The following DTNB variants were observed in gnomAD, a reference collection of about 807,000 sequenced individuals.
DTNB encodes the protein dystrobrevin beta, also known as DTN-B.
DTNB carries 63 observed loss-of-function variants against 90.7 expected under a neutral mutation model. That is an observed-to-expected ratio of 0.69 (90% CI 0.57 to 0.86). DTNB has a LOEUF of 0.86. Among genes scored for constraint, DTNB ranks in the 40% least tolerant of loss-of-function variants. The pLI is 0.00. For synonymous variants in DTNB, 277 were observed against 286.7 expected (o/e 0.97, Z 0.34); for missense variants, 744 against 807.1 (o/e 0.92, Z 0.95).
Position 25,486,428 on chromosome 2 carries a change from T to C in DTNB, c.1002-3555A>G, listed in dbSNP as rs541595729. On this transcript the variant is annotated intron_variant, in intron 9 of 20. Coordinates refer to ENST00000406818, the MANE Select transcript of DTNB (RefSeq NM_021907.5). ...TTCAGTGAAACTGACATTGTGCCAC[T>C]GCACTTCAGGCTGGGTGACAAGTGA... Among the ~76,000 whole-genome samples the C allele has an allele frequency of 3.9e-5, 6 of 152,266 alleles. No individual in the cohort carries two copies. The South Asian group carries it at 1.2e-3, about 32-fold the overall frequency.
chr2:25,492,543 T>A (rs1184685558), intron 9 of DTNB, among the ~76,000 whole-genome samples: 1 of 152,020 alleles, frequency 6.6e-6, no homozygotes, highest in Non-Finnish European at 1.5e-5. Context: ...TAGACAAAAT[T>A]TCTACTTAAA....
At chr2:25,453,613 T>C (rs544816921) in intron 11 of DTNB, among the ~76,000 whole-genome samples, 153 of 152,350 alleles carry the variant, frequency 1.0e-3, no homozygotes, top group African/African-American at 3.6e-3. Flanking sequence ...TCAAACATTC[T>C]GCTGCTATTT....
At chr2:25,438,542 T>C (rs113235199) in intron 12 of DTNB, among the ~76,000 whole-genome samples, 1 of 152,276 alleles carries the variant, frequency 6.6e-6, no homozygotes, top group African/African-American at 2.4e-5. Flanking sequence ...AATTTGATTA[T>C]ATGTGTTAAA....
intron 5 of DTNB, among the ~76,000 whole-genome samples, chr2:25,599,609 G>A (rs1165985964): frequency 1.3e-5 from 2 of 152,050 alleles, no homozygotes; most frequent in Non-Finnish European, 2.9e-5. Context: ...AAAGTGCTGG[G>A]ATTACAAGTG....
intron 16 of DTNB, among the ~76,000 whole-genome samples, chr2:25,402,128 T>C (rs1227644934): frequency 6.6e-6 from 1 of 152,232 alleles, no homozygotes; most frequent in African/African-American, 2.4e-5. Flanking sequence ...CTGGTGCTGG[T>C]GGTGACCATG....
At chr2:25,418,888 T>C (rs180850931) in intron 16 of DTNB, among the ~76,000 whole-genome samples, 1 of 152,232 alleles carries the variant, frequency 6.6e-6, no homozygotes, top group African/African-American at 2.4e-5. Context: ...CTTGTGTGGG[T>C]CAGTGGCTAT....
At chr2:25,636,076 A>T (rs566788630) in intron 3 of DTNB, among the ~76,000 whole-genome samples, 1 of 152,266 alleles carries the variant, frequency 6.6e-6, no homozygotes, top group East Asian at 1.9e-4. Flanking sequence ...AAAATTGTTT[A>T]TTTTCTTCTG....
At chr2:25,647,919 C>T (rs562613290) in intron 2 of DTNB, among the ~76,000 whole-genome samples, 1 of 151,364 alleles carries the variant, frequency 6.6e-6, no homozygotes, top group South Asian at 2.1e-4. Context: ...AGTAACCCAA[C>T]ATAAGTTGTT....
chr2:25,600,430 A>G (rs2065628800), intron 5 of DTNB, among the ~76,000 whole-genome samples: 1 of 152,248 alleles, frequency 6.6e-6, no homozygotes, highest in Non-Finnish European at 1.5e-5. Context: ...CTAAGGACGA[A>G]GGCCATATGG....
chr2:25,576,284 G>A (rs980650570), intron 8 of DTNB, among the ~76,000 whole-genome samples: 3 of 142,974 alleles, frequency 2.1e-5, no homozygotes, highest in African/African-American at 7.8e-5. Context: ...GGAGTGCAGT[G>A]GCGCAATCTC....
At chr2:25,385,767 C>A (rs1048022773) in intron 18 of DTNB, among the ~76,000 whole-genome samples, 1 of 152,230 alleles carries the variant, frequency 6.6e-6, no homozygotes, top group Non-Finnish European at 1.5e-5. Context: ...CTATGAGACA[C>A]TGCTGAGGAT....
chr2:25,667,587 A>G (rs1333402232), intron 1 of DTNB, among the ~76,000 whole-genome samples: 1 of 152,230 alleles, frequency 6.6e-6, no homozygotes, highest in East Asian at 1.9e-4. Flanking sequence ...TTCCAGGTGA[A>G]GTTTAACTTT....
chr2:25,604,720 G>C (rs1208017370), intron 5 of DTNB, among the ~76,000 whole-genome samples: 1 of 152,170 alleles, frequency 6.6e-6, no homozygotes, highest in Non-Finnish European at 1.5e-5. Flanking sequence ...CTCCCGAGTA[G>C]CTGGGATTAT....
At chr2:25,479,596 C>T (rs115856803) in intron 10 of DTNB, among the ~76,000 whole-genome samples, 1 of 152,094 alleles carries the variant, frequency 6.6e-6, no homozygotes, top group Admixed American at 6.6e-5. Context: ...TAGAACCTCT[C>T]GGGAACATAA....
chr2:25,610,457 C>T (rs1467072893), intron 4 of DTNB, among the ~76,000 whole-genome samples: 4 of 152,128 alleles, frequency 2.6e-5, no homozygotes, highest in African/African-American at 4.8e-5. Context: ...CCATGATCAA[C>T]GATTATGCCT....
chr2:25,577,872 T>C (rs557894725), intron 7 of DTNB, among the ~76,000 whole-genome samples: 2 of 152,272 alleles, frequency 1.3e-5, no homozygotes, highest in East Asian at 3.9e-4. Context: ...TGGTGGCGCA[T>C]GCCTGTAATC....
Position 25,419,550 on chromosome 2 carries a change from A to G in DTNB, c.1555-15T>C. 1 of 1,553,790 alleles carries G rather than the reference A, an allele frequency of 6.4e-7. No individual in the cohort carries two copies. Among genetic ancestry groups the G allele is most frequent in the Non-Finnish European group, 8.7e-7 (1 of 1,148,346 alleles). On this transcript the variant is annotated splice_polypyrimidine_tract_variant and intron_variant, in intron 15 of 20. Coordinates refer to ENST00000406818, the MANE Select transcript of DTNB (RefSeq NM_021907.5). ...TGCTCTTCCTCCTGGAGTGTTGAAG[A>G]TGAAAAAAAAAGGCAGAGGAAAAAA...
At chr2:25,464,009 G>A (rs186985162) in intron 10 of DTNB, among the ~76,000 whole-genome samples, 73 of 152,286 alleles carry the variant, frequency 4.8e-4, no homozygotes, top group Middle Eastern at 6.8e-3. Context: ...CGGTTAAAAC[G>A]ATTCTCGTGC....
chr2:25,421,842 A>G (rs2049815518), intron 15 of DTNB, among the ~76,000 whole-genome samples: 1 of 152,232 alleles, frequency 6.6e-6, no homozygotes, highest in Non-Finnish European at 1.5e-5. Flanking sequence ...TTGCAATTTA[A>G]GTTTGTCAGA....
Sources: gnomAD v4.1 joint callset for allele counts (sites outside exome capture counted in the v4.1 genomes callset) on GRCh38, gnomAD v4.1.1 for gene constraint, MANE v1.5 for transcripts, NCBI Gene and HGNC (gene_info 2026-07-23, HGNC 2026-07-21) for gene names.